The following ITGA1 variants were observed in gnomAD, a reference collection of about 807,000 sequenced individuals.
ITGA1 encodes integrin alpha-1.
A neutral mutation model predicts 145.9 loss-of-function variants in ITGA1; 85 were observed. The observed-to-expected ratio is 0.58, with a 90% CI of 0.49 to 0.70. The LOEUF is 0.70. Among genes scored for constraint, ITGA1 ranks in the 30% least tolerant of loss-of-function variants. ITGA1 has a pLI of 0.00. For missense variants in ITGA1, 1,351 were observed against 1,418.7 expected, an observed-to-expected ratio of 0.95 and a Z score of 0.77; for synonymous variants, 520 against 495.3, an observed-to-expected ratio of 1.05 and a Z score of -0.66.
At position 52,893,857 on chromosome 5, in the gene ITGA1, T is replaced by A; in HGVS notation, c.1090+17T>A. 1 of 1,584,358 alleles carries A rather than the reference T, an allele frequency of 6.3e-7. No individual in the cohort carries two copies. ...CCCTGGAAGGTATGTCTATTTATCT[T>A]ATTGCTGCATGTTCTCTCTGCAATT... On this transcript the variant is annotated intron_variant, in intron 9 of 28. Transcript: ENST00000282588.
At chr5:52,803,684 T>C (rs1301958823) in intron 1 of ITGA1, 1 of 152,204 alleles carries the variant, frequency 6.6e-6, no homozygotes, top group Non-Finnish European at 1.5e-5. Flanking sequence ...TCAAGGCTAA[T>C]AGCCACTGAT....
At chr5:52,913,933 G>A (rs549184238) in intron 14 of ITGA1, among the ~76,000 whole-genome samples, 2 of 152,288 alleles carry the variant, frequency 1.3e-5, no homozygotes, top group South Asian at 4.1e-4. Context: ...CTTAACAAGA[G>A]ACAGGCAATA....
rs549371088 is a variant in ITGA1, at chr5:52,926,816, C to G, written c.2614-768C>G. Among the ~76,000 whole-genome samples, 18 of 152,126 alleles carry G rather than the reference C, an allele frequency of 1.2e-4. 1 individual carries two copies. In the South Asian group the frequency reaches 1.2e-3, roughly 11 times the overall value. The stretch of plus-strand genomic sequence containing the variant: ...GTAACAACAGTAATAATGATGGCAA[C>G]CATTTCTTGAGTCACATCATGGTTT... On this transcript the variant is annotated intron_variant, in intron 19 of 28. Transcript: ENST00000282588.
intron 1 of ITGA1, among the ~76,000 whole-genome samples, chr5:52,808,130 A>T (rs1436441047): frequency 2.0e-5 from 3 of 152,252 alleles, no homozygotes. Flanking sequence ...TGAGGATGTT[A>T]CTGAGGACAA....
At chr5:52,859,189 A>G (rs1332963421) in intron 2 of ITGA1, among the ~76,000 whole-genome samples, 1 of 152,134 alleles carries the variant, frequency 6.6e-6, no homozygotes. Context: ...GATTTTCACT[A>G]AATTAGATAA....
At chr5:52,810,142 A>G (rs1037410437) in intron 1 of ITGA1, among the ~76,000 whole-genome samples, 2 of 152,192 alleles carry the variant, frequency 1.3e-5, no homozygotes, top group Non-Finnish European at 2.9e-5. Flanking sequence ...GGGGATGGTG[A>G]CAGGGGAGTT....
At chr5:52,800,281 C>T (rs916620024) in intron 1 of ITGA1, 2 of 1,165,208 alleles carry the variant, frequency 1.7e-6, no homozygotes, top group East Asian at 2.4e-5. Context: ...GGCAAGTGCC[C>T]TTAGAAACCG....
chr5:52,850,162 C>A (rs1046175631), intron 2 of ITGA1, among the ~76,000 whole-genome samples: 1 of 151,750 alleles, frequency 6.6e-6, no homozygotes, highest in Admixed American at 6.6e-5. Flanking sequence ...CCACCATGCC[C>A]GGCTAATTTT....
rs536994032 is a variant in ITGA1, at chr5:52,934,141, A to G, written c.2964+145A>G. The G allele has an allele frequency of 8.4e-4, 198 of 236,330 alleles. 2 individuals carry two copies. The highest frequency in any genetic ancestry group is 1.7e-3 in the Middle Eastern group (1 of 606). 14.6% of individuals were successfully genotyped at this position (236,330 alleles called of 1,614,324 possible). A position where few individuals can be genotyped will look rare whatever the true frequency, so the allele number is the denominator to read the frequency against. On this transcript the variant is annotated intron_variant, in intron 23 of 28. Transcript: ENST00000282588. ...TTTTCTTTATAATTTCATAAATATA[A>G]ATATAGACATATAATATATAAATAT...
At chr5:52,897,389 C>A in intron 9 of ITGA1, 66 bp from the exon 10 acceptor site, 1 of 1,055,438 alleles carries the variant, frequency 9.5e-7, no homozygotes, top group Non-Finnish European at 1.5e-6. Context: ...TATCTGTATT[C>A]TGCAAGTCAG....
Position 52,887,727 on chromosome 5 carries a change from G to T in ITGA1, c.774-88G>T, listed in dbSNP as rs1750076630. ...TTGGAGGGAAGCACCAGGCTACCTAGAGTAGTCAGTGTTTTTGTTTAGTTT... is the reference window on the plus strand; with the variant it reads ...TTGGAGGGAAGCACCAGGCTACCTATAGTAGTCAGTGTTTTTGTTTAGTTT... On this transcript the variant is annotated intron_variant, in intron 7 of 28. Coordinates refer to ENST00000282588, the MANE Select transcript of ITGA1 (RefSeq NM_181501.2). 2.3e-6 allele frequency: 3 copies of T among 1,300,576 alleles called. No individual in the cohort carries two copies. The African/African-American group carries it at 4.4e-5, about 19-fold the overall frequency. The allele number at this position is 1,300,576 out of a possible 1,614,324, so 80.6% of individuals were successfully genotyped here. A position where few individuals can be genotyped will look rare whatever the true frequency, so the allele number is the denominator to read the frequency against.
intron 1 of ITGA1, among the ~76,000 whole-genome samples, chr5:52,796,602 G>GTT (rs1212763370): frequency 4.6e-5 from 7 of 151,914 alleles, no homozygotes; most frequent in Non-Finnish European, 1.0e-4. Flanking sequence ...AACAATATAA[G>GTT]TAAGTGCCTT....
intron 14 of ITGA1, among the ~76,000 whole-genome samples, chr5:52,913,457 T>G (rs1158268437): frequency 6.6e-6 from 1 of 152,204 alleles, no homozygotes; most frequent in Non-Finnish European, 1.5e-5. Flanking sequence ...GCAGGGAACT[T>G]CTGTTATTCC....
intron 7 of ITGA1, among the ~76,000 whole-genome samples, chr5:52,884,298 T>A (rs1365724221): frequency 1.3e-5 from 2 of 151,412 alleles, no homozygotes; most frequent in Admixed American, 6.6e-5. Flanking sequence ...ACAAAAAAAA[T>A]TAGCCGGGCG....
chr5:52,922,418 C>T (rs999367464), intron 17 of ITGA1, among the ~76,000 whole-genome samples: 1 of 152,122 alleles, frequency 6.6e-6, no homozygotes, highest in Non-Finnish European at 1.5e-5. Context: ...GAAATGTTCC[C>T]GGAAGTGTTA....
intron 1 of ITGA1, among the ~76,000 whole-genome samples, chr5:52,795,783 T>C (rs905889405): frequency 2.6e-5 from 4 of 151,932 alleles, no homozygotes; most frequent in African/African-American, 7.2e-5. Context: ...ATAATATCAC[T>C]AGGACCTCAT....
At chr5:52,850,297 G>A (rs1295117884) in intron 2 of ITGA1, among the ~76,000 whole-genome samples, 3 of 152,140 alleles carry the variant, frequency 2.0e-5, no homozygotes, top group Non-Finnish European at 4.4e-5. Context: ...ATAGCACCTG[G>A]CCGTAGATAT....
intron 26 of ITGA1, among the ~76,000 whole-genome samples, chr5:52,941,553 T>C (rs1318901799): frequency 6.6e-6 from 1 of 152,218 alleles, no homozygotes; most frequent in African/African-American, 2.4e-5. Context: ...TTTTCATATG[T>C]TTGTTGGTCA....
chr5:52,869,927 G>T (rs2111784707), intron 6 of ITGA1, among the ~76,000 whole-genome samples: 1 of 152,068 alleles, frequency 6.6e-6, no homozygotes, highest in Non-Finnish European at 1.5e-5. Flanking sequence ...CCAAGCCATT[G>T]CTTTTGCTAA....
Sources: allele counts gnomAD v4.1 joint callset (sites outside exome capture counted in the v4.1 genomes callset), GRCh38; gene constraint gnomAD v4.1.1; transcripts MANE v1.5; gene names NCBI Gene and HGNC (gene_info 2026-07-23, HGNC 2026-07-21).